CELSR2: variants seen among roughly 807,000 people sequenced by gnomAD.
The protein encoded by CELSR2 is EGF-like protein 2.
In CELSR2, 81 loss-of-function variants were observed where a neutral mutation model predicts 251.6. The observed-to-expected ratio is 0.32, with a 90% CI of 0.27 to 0.39. CELSR2 has a LOEUF of 0.39. Ranked by LOEUF, CELSR2 falls within the 10% of genes least tolerant of loss-of-function variation. The pLI, the probability that CELSR2 is intolerant of heterozygous loss-of-function variation, is 1.00. For synonymous variants in CELSR2, 1,721 were observed against 1,670.5 expected (o/e 1.03, Z -0.74); for missense variants, 3,365 against 3,947.7 (o/e 0.85, Z 3.96).
In CELSR2 at chr1:109,250,838, C is replaced by T. The variant is rs769723442; in HGVS notation, c.759C>T (p.Ser253=). The change falls in exon 1 of 34, where the codon AGC becomes AGT. Residue 253 remains serine, a synonymous_variant. Transcript: ENST00000271332. The surrounding 1 kb of genome is among the most constrained non-coding windows in gnomAD (Gnocchi z 4.4). The stretch of plus-strand genomic sequence containing the variant: ...AGGAGCTGGATCGTGAGACCAAGAG[C>T]ACCCACGTCTTCAGGGTCACGGCGC... ...TAEELDRETK[S]THVFRVTAQD... is the part of the protein sequence containing the mutation. 8 of 1,613,926 alleles carry T rather than the reference C, an allele frequency of 5.0e-6. No individual in the cohort carries two copies. Among genetic ancestry groups the T allele is most frequent in the African/African-American group, 2.7e-5 (2 of 74,950 alleles).
chr1:109,264,015 G>A, intron 9 of CELSR2, 63 bp from the exon 10 acceptor site: 1 of 1,513,714 alleles, frequency 6.6e-7, no homozygotes, highest in Non-Finnish European at 8.8e-7. Context: ...AAGGGGAACT[G>A]TGAGCTGGAG....
Position 109,269,685 on chromosome 1 carries a change from C to T in CELSR2, c.6981-9C>T. The T allele has an allele frequency of 6.2e-7, 1 of 1,614,104 alleles. No homozygotes were observed. Among genetic ancestry groups the T allele is most frequent in the Middle Eastern group, 1.6e-4 (1 of 6,062 alleles). The stretch of plus-strand genomic sequence containing the variant: ...TCCTTGTCTCCCTGACCCTGCCTTC[C>T]TCACACAGGGTCAGTGGCACAGGTG... On this transcript the variant is annotated splice_polypyrimidine_tract_variant and intron_variant, in intron 21 of 33. Transcript: ENST00000271332. The surrounding 1 kb of genome is among the most constrained non-coding windows in gnomAD (Gnocchi z 6.4).
At position 109,267,621 on chromosome 1, in the gene CELSR2, C is replaced by T. The variant is rs765430620; in HGVS notation, c.6087C>T (p.Thr2029=). The T allele has an allele frequency of 1.2e-5, 19 of 1,614,236 alleles. No homozygotes were observed. The highest frequency in any genetic ancestry group is 3.3e-5 in the Admixed American group (2 of 60,030). The change falls in exon 16 of 34, where the codon ACC becomes ACT. Residue 2029 remains threonine (T), a synonymous_variant. Transcript: ENST00000271332. ...PPNLFNCTSI[T]FSELKGFAER... Reference sequence around the variant, plus strand: ...ACCTCTTCAACTGCACGTCCATCACCTTCTCAGAACTGAAGGGCTTCGTAA... The same window carrying T: ...ACCTCTTCAACTGCACGTCCATCACTTTCTCAGAACTGAAGGGCTTCGTAA...
At chr1:109,264,008 G>A in intron 9 of CELSR2, 70 bp from the exon 10 acceptor site, 1 of 1,507,058 alleles carries the variant, frequency 6.6e-7, no homozygotes, top group Non-Finnish European at 8.9e-7. Flanking sequence ...GTCCAGAAAG[G>A]GGAACTGTGA....
Position 109,261,485 on chromosome 1 carries a change from C to G in CELSR2, c.4182-28C>G. 6.3e-7 allele frequency: 1 copy of G among 1,599,300 alleles called. No homozygotes were observed. The highest frequency in any genetic ancestry group is 8.6e-7 in the Non-Finnish European group (1 of 1,166,554). On this transcript the variant is annotated intron_variant, in intron 3 of 33. Coordinates refer to ENST00000271332, the MANE Select transcript of CELSR2 (RefSeq NM_001408.3). The surrounding 1 kb of genome is among the most constrained non-coding windows in gnomAD (Gnocchi z 4.8). ...TGGCATCCAGGTGGGTACCCCATTC[C>G]CTGCCCCCATCCCCAACTCCTGTTC...
At position 109,271,645 on chromosome 1, in the gene CELSR2, C is replaced by T. The variant is rs771700120; in HGVS notation, c.7849C>T (p.Arg2617Trp). Residue 2617 changes from arginine (R) to tryptophan (W), a missense_variant, in exon 28 of 34, where the codon CGG (arginine) becomes TGG (tryptophan). By Grantham distance (101) the Arg-to-Trp change is moderately radical. Coordinates refer to ENST00000271332, the MANE Select transcript of CELSR2 (RefSeq NM_001408.3). ...CTATGTGGTGCTTAGCAAGGAGGTC[C>T]GGAAAGCACTCAAGCTTGCCTGCAG... ...LSYVVLSKEV[R>W]KALKLACSRK... 21 of 1,613,934 alleles carry T rather than the reference C, an allele frequency of 1.3e-5. No individual in the cohort carries two copies. The highest frequency in any genetic ancestry group is 8.3e-5 in the Admixed American group (5 of 59,996).
chr1:109,262,707 C>T (rs1305337526), intron 6 of CELSR2, 99 bp from the exon 7 acceptor site: 36 of 1,544,926 alleles, frequency 2.3e-5, no homozygotes, highest in Non-Finnish European at 3.1e-5. Flanking sequence ...TCTTGGACAC[C>T]TGCCTACGCC....
chr1:109,263,600 T>C lies in CELSR2; in HGVS notation c.4835-11T>C. 1.2e-6 allele frequency: 2 copies of C among 1,613,080 alleles called. No individual in the cohort carries two copies. The highest frequency in any genetic ancestry group is 4.5e-5 in the East Asian group (2 of 44,876). On this transcript the variant is annotated splice_polypyrimidine_tract_variant and intron_variant, in intron 8 of 33. Transcript: ENST00000271332. ...CCACCCGTCACAGTCTGCCTTTTCCTGCCTCCCCAGAAATGGCCAATCCAC... is the reference window on the plus strand; with the variant it reads ...CCACCCGTCACAGTCTGCCTTTTCCCGCCTCCCCAGAAATGGCCAATCCAC...
rs535739419 is a variant in CELSR2, at chr1:109,250,354, T to A, written c.275T>A (p.Val92Asp). The change falls in exon 1 of 34, where the codon GTT becomes GAT. Residue 92 changes from valine (V) to aspartate (D), a missense_variant. Transcript: ENST00000271332. The surrounding 1 kb of genome is among the most constrained non-coding windows in gnomAD (Gnocchi z 4.4). ...HLVPHHDGLRVWCPESEAHIP... is the reference protein window; with the variant it reads ...HLVPHHDGLRDWCPESEAHIP... ...GTACCCCACCACGATGGCCTGAGGG[T>A]TTGGTGTCCAGAATCCGAGGCCCAT... 6.2e-7 allele frequency: 1 copy of A among 1,613,302 alleles called. No individual in the cohort carries two copies. The highest frequency in any genetic ancestry group is 1.1e-5 in the South Asian group (1 of 91,064).
At chr1:109,266,037 G>T (rs538018360) in intron 14 of CELSR2, 68 bp from the exon 15 acceptor site, 116 of 1,595,648 alleles carry the variant, frequency 7.3e-5, no homozygotes, top group Non-Finnish European at 8.6e-5. Flanking sequence ...CCTAGGGAGG[G>T]CTGGGGAGCC....
intron 15 of CELSR2, chr1:109,266,420 G>T: frequency 1.7e-6 from 1 of 584,834 alleles, no homozygotes; most frequent in Admixed American, 3.4e-5. Context: ...GTTTTGGTTT[G>T]GTTTTTTTTC....
At chr1:109,253,689 A>G (rs761434413) in intron 1 of CELSR2, among the ~76,000 whole-genome samples, 6 of 152,202 alleles carry the variant, frequency 3.9e-5, no homozygotes, top group Non-Finnish European at 8.8e-5. Context: ...TATGGCTGCC[A>G]AGAATTGTGA....
intron 15 of CELSR2, among the ~76,000 whole-genome samples, chr1:109,267,111 G>T (rs1372859565): frequency 6.6e-6 from 1 of 152,024 alleles, no homozygotes; most frequent in East Asian, 1.9e-4. Context: ...ATCATGCAGG[G>T]TTCCAATCGT....
chr1:109,258,812 A>C lies in CELSR2; in HGVS notation c.3691A>C (p.Ile1231Leu), dbSNP rs201875879. 1 of 1,611,768 alleles carries C rather than the reference A, an allele frequency of 6.2e-7. No homozygotes were observed. The highest frequency in any genetic ancestry group is 2.2e-5 in the East Asian group (1 of 44,818). The change falls in exon 2 of 34, where the codon ATC becomes CTC. Residue 1231 changes from isoleucine (I) to leucine (L), a missense_variant. Ile to Leu is a conservative substitution (Grantham distance 5). Coordinates refer to ENST00000271332, the MANE Select transcript of CELSR2 (RefSeq NM_001408.3). Reference protein sequence around the residue: ...AQRVLPFDDNICLREPCENYM... With the variant: ...AQRVLPFDDNLCLREPCENYM... ...GCGCGTGCTGCCCTTCGACGACAACATCTGCCTGCGGGAGCCCTGCGAGAA... is the reference window on the plus strand; with the variant it reads ...GCGCGTGCTGCCCTTCGACGACAACCTCTGCCTGCGGGAGCCCTGCGAGAA...
Position 109,249,620 on chromosome 1 carries a change from G to A in CELSR2, c.-460G>A, listed in dbSNP as rs535322202. Among the ~76,000 whole-genome samples, 3,196 of 147,184 alleles carry A rather than the reference G, an allele frequency of 0.022. 108 individuals carry two copies. The highest frequency in any genetic ancestry group is 0.074 in the African/African-American group (3,033 of 41,050). On this transcript the variant is annotated 5_prime_UTR_variant, in exon 1 of 34. Transcript: ENST00000271332. Reference sequence around the variant, plus strand: ...GCGGCGACAGGCAGCAGCCGCGGCGGGGACGCGGGGCGCGAGCGGGCGGCG... The same window carrying A: ...GCGGCGACAGGCAGCAGCCGCGGCGAGGACGCGGGGCGCGAGCGGGCGGCG...
chr1:109,261,039 C>T lies in CELSR2; in HGVS notation c.3959-3C>T. ...GTACTCACCTGCCTTTCCTCTTGTC[C>T]AGGTGAGCACTGTGAGGTGAGTGCT... On this transcript the variant is annotated splice_region_variant and splice_polypyrimidine_tract_variant and intron_variant, in intron 2 of 33. Coordinates refer to ENST00000271332, the MANE Select transcript of CELSR2 (RefSeq NM_001408.3). This position sits in a 1 kb window ranked among gnomAD's most constrained non-coding sequence, Gnocchi z 4.8. 1.2e-6 allele frequency: 2 copies of T among 1,604,210 alleles called. No homozygotes were observed. Among genetic ancestry groups the T allele is most frequent in the South Asian group, 2.2e-5 (2 of 90,022 alleles).
rs1374796243 is a variant in CELSR2 at position 109,251,396 on chromosome 1, G to T, written c.1317G>T (p.Met439Ile). 2.5e-6 allele frequency: 4 copies of T among 1,613,956 alleles called. No homozygotes were observed. The highest frequency in any genetic ancestry group is 3.4e-6 in the Non-Finnish European group (4 of 1,180,048). The change falls in exon 1 of 34, where the codon ATG becomes ATT. Residue 439 changes from methionine (M) to isoleucine (I), a missense_variant. Around this residue, in one of 5 missense-constraint regions of CELSR2, gnomAD observed 704 missense variants for 784.1 expected, o/e 0.90. Coordinates refer to ENST00000271332, the MANE Select transcript of CELSR2 (RefSeq NM_001408.3). The surrounding 1 kb of genome is among the most constrained non-coding windows in gnomAD (Gnocchi z 4.9). ...ATGCCGTGGTGCACTATAGCATCAT[G>T]AGTGGCAATGCTCGGGGACAGTTTT... ...GSNAVVHYSI[M>I]SGNARGQFYL...
rs200841982 is a variant in CELSR2 at position 109,262,965 on chromosome 1, G to A, written c.4704G>A (p.Val1568=). The stretch of plus-strand genomic sequence containing the variant: ...ACTTCATTGCCAACAATGGCACCGT[G>A]CCTGGTATGGGGGCCCGGGGTGGAG... The part of the protein sequence containing the change: ...MADFIANNGT[V]PGCPAKKNVC... Residue 1568 remains valine, a synonymous_variant, in exon 7 of 34, where the codon GTG becomes GTA. Transcript: ENST00000271332. The A allele has an allele frequency of 3.1e-6, 5 of 1,612,186 alleles. No homozygotes were observed. Among genetic ancestry groups the A allele is most frequent in the Non-Finnish European group, 4.2e-6 (5 of 1,178,728 alleles).
Position 109,265,804 on chromosome 1 carries a change from T to C in CELSR2, c.5797T>C (p.Ser1933Pro), listed in dbSNP as rs1570788002. ...LCDCYPTGSL[S>P]RVCDPEDGQC... ...TGACTGCTACCCCACAGGCTCCTTG[T>C]CCAGAGTCTGTGACCCTGAGGATGG... Residue 1933 changes from serine (S) to proline (P), a missense_variant, in exon 14 of 34, where the codon TCC becomes CCC. Physicochemically the swap from Ser to Pro is moderately conservative, Grantham distance 74. Coordinates refer to ENST00000271332, the MANE Select transcript of CELSR2 (RefSeq NM_001408.3). 2 of 1,614,068 alleles carry C rather than the reference T, an allele frequency of 1.2e-6. No individual in the cohort carries two copies. Among genetic ancestry groups the C allele is most frequent in the Non-Finnish European group, 1.7e-6 (2 of 1,179,988 alleles).
Sources: gnomAD v4.1 joint callset for allele counts (sites outside exome capture counted in the v4.1 genomes callset) on GRCh38, gnomAD v4.1.1 for gene constraint, gnomAD v4.1.1 regional missense constraint, Gnocchi (gnomAD v3.1) non-coding constraint, MANE v1.5 for transcripts, NCBI Gene and HGNC (gene_info 2026-07-23, HGNC 2026-07-21) for gene names.